FRAS1: variants seen among roughly 807,000 people sequenced by gnomAD.
The protein encoded by FRAS1 is Fraser extracellular matrix complex subunit 1, also known as extracellular matrix organizing protein FRAS1.
A neutral mutation model predicts 435.2 loss-of-function variants in FRAS1; 290 were observed. That is an observed-to-expected ratio of 0.67 (90% CI 0.61 to 0.73). The LOEUF is 0.73. Among genes scored for constraint, FRAS1 ranks in the 30% least tolerant of loss-of-function variants. FRAS1 has a pLI of 0.00. For missense variants in FRAS1, 4,860 were observed against 5,001.5 expected (o/e 0.97, Z 0.85); for synonymous variants, 1,800 against 1,851.0 (o/e 0.97, Z 0.71).
chr4:78,176,592 A>G (rs577235922), intron 2 of FRAS1, among the ~76,000 whole-genome samples: 1 of 152,314 alleles, frequency 6.6e-6, no homozygotes, highest in South Asian at 2.1e-4. Flanking sequence ...AGTTTCTGCA[A>G]CCTGTCCTCA....
chr4:78,536,638 C>T (rs1721891439), intron 71 of FRAS1, among the ~76,000 whole-genome samples: 1 of 152,046 alleles, frequency 6.6e-6, no homozygotes, highest in Non-Finnish European at 1.5e-5. Flanking sequence ...TAAATATGAG[C>T]CTATTTTAGT....
chr4:78,252,181 C>T (rs13117388), intron 4 of FRAS1, among the ~76,000 whole-genome samples: 44,181 of 151,788 alleles, frequency 0.29, 7,035 homozygotes, highest in East Asian at 0.38. Flanking sequence ...AAAATCTTCG[C>T]GGTAATAGAA....
chr4:78,307,534 C>T (rs1171339852), intron 14 of FRAS1, among the ~76,000 whole-genome samples: 2 of 152,232 alleles, frequency 1.3e-5, no homozygotes, highest in Non-Finnish European at 2.9e-5. Context: ...CTCTCCGAGC[C>T]AGGTGCCGGA....
Position 78,479,632 on chromosome 4 carries a change from C to T in FRAS1, c.8357C>T (p.Ala2786Val), listed in dbSNP as rs199895644. The T allele has an allele frequency of 3.8e-5, 61 of 1,613,608 alleles. No individual in the cohort carries two copies. The highest frequency in any genetic ancestry group is 2.8e-4 in the Admixed American group (17 of 59,994). Residue 2786 changes from alanine (A) to valine (V), a missense_variant, in exon 56 of 74, where the codon GCG (alanine) becomes GTG (valine). Physicochemically the swap from Ala to Val is moderately conservative, Grantham distance 64. Transcript: ENST00000512123. The part of the protein sequence containing the change: ...ASDNARIGRV[A>V]TAKVLISGPN... ...GACAATGCCCGCATTGGAAGGGTGG[C>T]GACAGCCAAGGTGCTCATTAGTGGT...
At chr4:78,160,598 A>T (rs1049838369) in intron 2 of FRAS1, among the ~76,000 whole-genome samples, 2 of 152,136 alleles carry the variant, frequency 1.3e-5, no homozygotes, top group Non-Finnish European at 2.9e-5. Context: ...TATGATTCCT[A>T]ACTAGATCAC....
intron 2 of FRAS1, among the ~76,000 whole-genome samples, chr4:78,134,125 A>AT (rs934283349): frequency 4.6e-5 from 7 of 151,768 alleles, no homozygotes; most frequent in Admixed American, 3.9e-4. Context: ...TGCCTGGCTA[A>AT]TTTTTTTGTA....
At chr4:78,075,407 T>G (rs970998849) in intron 2 of FRAS1, among the ~76,000 whole-genome samples, 4 of 152,170 alleles carry the variant, frequency 2.6e-5, no homozygotes, top group East Asian at 3.9e-4. Flanking sequence ...TTGTATGAGC[T>G]CAAAAGTTCC....
intron 31 of FRAS1, 78 bp downstream of exon 31, chr4:78,407,919 T>G: frequency 7.8e-7 from 1 of 1,281,228 alleles, no homozygotes; most frequent in African/African-American, 1.5e-5. Context: ...TCAACTTGAG[T>G]AATTTTCTGC....
intron 2 of FRAS1, among the ~76,000 whole-genome samples, chr4:78,165,090 C>T (rs1189505715): frequency 6.6e-6 from 1 of 152,146 alleles, no homozygotes; most frequent in East Asian, 1.9e-4. Flanking sequence ...AGAATTCAGT[C>T]CCGCACTTTT....
chr4:78,203,819 C>T (rs1182304829), intron 2 of FRAS1, among the ~76,000 whole-genome samples: 2 of 152,224 alleles, frequency 1.3e-5, no homozygotes, highest in Non-Finnish European at 2.9e-5. Context: ...CCGCCCGCCT[C>T]GGGCTCCCAA....
intron 14 of FRAS1, among the ~76,000 whole-genome samples, chr4:78,289,484 T>C (rs916446994): frequency 6.6e-6 from 1 of 152,198 alleles, no homozygotes; most frequent in African/African-American, 2.4e-5. Context: ...TGTTTTTATA[T>C]GAACCTAAAC....
At chr4:78,468,814 A>T (rs1192098401) in intron 50 of FRAS1, among the ~76,000 whole-genome samples, 3 of 152,220 alleles carry the variant, frequency 2.0e-5, no homozygotes, top group Non-Finnish European at 4.4e-5. Context: ...TGAGCGGCAT[A>T]TGTACACCTT....
Position 78,534,538 on chromosome 4 carries a change from A to T in FRAS1, c.11015A>T (p.Glu3672Val). The change falls in exon 71 of 74, where the codon GAG (glutamate) becomes GTG (valine). Residue 3672 changes from glutamate to valine, a missense_variant. Coordinates refer to ENST00000512123, the MANE Select transcript of FRAS1 (RefSeq NM_025074.7). Reference sequence around the variant, plus strand: ...ACTGAATTTCAGCTCTGCAATAATGAGAAGGTGTTCCTAATGGATCCCAAT... The same window carrying T: ...ACTGAATTTCAGCTCTGCAATAATGTGAAGGTGTTCCTAATGGATCCCAAT... ...LNTEFQLCNNEKVFLMDPNTS... is the reference protein window; with the variant it reads ...LNTEFQLCNNVKVFLMDPNTS... 6.2e-7 allele frequency: 1 copy of T among 1,613,698 alleles called. No homozygotes were observed. The highest frequency in any genetic ancestry group is 8.5e-7 in the Non-Finnish European group (1 of 1,179,626).
chr4:78,526,409 G>A (rs1394552234), intron 69 of FRAS1, 132 bp from the exon 70 acceptor site: 3 of 587,376 alleles, frequency 5.1e-6, no homozygotes, highest in Non-Finnish European at 9.1e-6. Context: ...GGTGTTTGCA[G>A]ACTTGTAAAG....
intron 46 of FRAS1, 100 bp from the exon 47 acceptor site, chr4:78,452,075 C>T (rs988052593): frequency 2.6e-5 from 35 of 1,343,160 alleles, no homozygotes; most frequent in East Asian, 1.2e-4. Context: ...ACACACAGGC[C>T]TAGAGATGAC....
chr4:78,499,642 T>C, intron 60 of FRAS1, 79 bp from the exon 61 acceptor site: 2 of 1,309,764 alleles, frequency 1.5e-6, no homozygotes, highest in South Asian at 2.9e-5. Context: ...CCTCTTGTCA[T>C]TATAAGGTGT....
At chr4:78,252,161 T>G (rs1189747992) in intron 4 of FRAS1, among the ~76,000 whole-genome samples, 1 of 152,160 alleles carries the variant, frequency 6.6e-6, no homozygotes, top group Non-Finnish European at 1.5e-5. Context: ...TTTCTGAAAT[T>G]TGTAAATAAA....
chr4:78,385,834 G>C (rs1227021443), intron 28 of FRAS1, among the ~76,000 whole-genome samples: 1 of 150,966 alleles, frequency 6.6e-6, no homozygotes, highest in Non-Finnish European at 1.5e-5. Flanking sequence ...GCAGTGAGCT[G>C]AGATCGTGCC....
chr4:78,509,420 A>G (rs916991263), intron 63 of FRAS1, among the ~76,000 whole-genome samples: 11 of 151,912 alleles, frequency 7.2e-5, no homozygotes, highest in Middle Eastern at 6.4e-3. Context: ...CAATCGTTCA[A>G]TAAGTATTAA....
Sources: allele counts gnomAD v4.1 joint callset (sites outside exome capture counted in the v4.1 genomes callset), GRCh38; gene constraint gnomAD v4.1.1; transcripts MANE v1.5; gene names NCBI Gene and HGNC (gene_info 2026-07-23, HGNC 2026-07-21).